The following FBXL7 variants were observed in gnomAD, a reference collection of about 807,000 sequenced individuals.
The protein encoded by FBXL7 is F-box and leucine rich repeat protein 7.
Under a neutral mutation model 38.3 loss-of-function variants are expected in FBXL7, and 12 were observed. The observed-to-expected ratio is 0.31, with a 90% CI of 0.20 to 0.51. FBXL7 has a LOEUF of 0.51. Among genes scored for constraint, FBXL7 ranks in the 20% least tolerant of loss-of-function variants. The probability of loss-of-function intolerance (pLI) is 0.98; values close to 1 mark genes in which losing one functional copy is unlikely to be tolerated. For synonymous variants in FBXL7, 297 were observed against 300.9 expected, an observed-to-expected ratio of 0.99 and a Z score of 0.13; for missense variants, 567 against 676.4, an observed-to-expected ratio of 0.84 and a Z score of 1.79.
At chr5:15,567,849 T>A (rs1461045696) in intron 1 of FBXL7, among the ~76,000 whole-genome samples, 1 of 152,074 alleles carries the variant, frequency 6.6e-6, no homozygotes, top group Non-Finnish European at 1.5e-5. Flanking sequence ...ATACAGTGTT[T>A]GGTTTTTTGT....
At chr5:15,925,783 A>C (rs1741863439) in intron 2 of FBXL7, among the ~76,000 whole-genome samples, 1 of 152,232 alleles carries the variant, frequency 6.6e-6, no homozygotes, top group Non-Finnish European at 1.5e-5. Flanking sequence ...AGCTATATAG[A>C]TACATACCTA....
intron 2 of FBXL7, among the ~76,000 whole-genome samples, chr5:15,855,896 C>T (rs532395971): frequency 2.0e-4 from 31 of 152,244 alleles, no homozygotes; most frequent in African/African-American, 7.2e-4. Context: ...TATAAAGATA[C>T]AATTTGAACC....
At chr5:15,674,869 C>T (rs550626928) in intron 2 of FBXL7, among the ~76,000 whole-genome samples, 1 of 152,282 alleles carries the variant, frequency 6.6e-6, no homozygotes, top group East Asian at 1.9e-4. Flanking sequence ...ACCTGATAAA[C>T]TCACAGCATT....
intron 2 of FBXL7, among the ~76,000 whole-genome samples, chr5:15,865,981 G>A (rs528700543): frequency 1.8e-4 from 28 of 152,236 alleles, no homozygotes; most frequent in South Asian, 4.2e-4. Flanking sequence ...TCTAGTTTTC[G>A]TTAAGAGTAG....
In FBXL7 at chr5:15,835,646, G is replaced by T. The variant is rs1227009720; in HGVS notation, c.128-92244G>T. On this transcript the variant is annotated intron_variant, in intron 2 of 3. Coordinates refer to ENST00000504595, the MANE Select transcript of FBXL7 (RefSeq NM_012304.5). Reference sequence around the variant, plus strand: ...TAAGTGACTTTCTGAGAGTCACGCAGTATAGAACATGAAGGCCATCTGATG... The same window carrying T: ...TAAGTGACTTTCTGAGAGTCACGCATTATAGAACATGAAGGCCATCTGATG... 5.3e-5 allele frequency among the ~76,000 whole-genome samples: 8 copies of T among 152,240 alleles called. 1 individual carries two copies. The South Asian group carries it at 1.5e-3, about 28-fold the overall frequency.
At chr5:15,912,958 CAG>C (rs1376098284) in intron 2 of FBXL7, among the ~76,000 whole-genome samples, 1 of 152,148 alleles carries the variant, frequency 6.6e-6, no homozygotes, top group African/African-American at 2.4e-5. Context: ...CAGCGTGCTG[CAG>C]AGAGACCCTT....
intron 1 of FBXL7, among the ~76,000 whole-genome samples, chr5:15,610,020 G>C (rs1254547090): frequency 6.6e-6 from 1 of 152,184 alleles, no homozygotes; most frequent in Non-Finnish European, 1.5e-5. Flanking sequence ...ATGGCAGCAG[G>C]CAAGAGAGAA....
chr5:15,680,581 G>A (rs1247700280), intron 2 of FBXL7, among the ~76,000 whole-genome samples: 1 of 152,010 alleles, frequency 6.6e-6, no homozygotes, highest in Non-Finnish European at 1.5e-5. Flanking sequence ...CATAGTAGGG[G>A]AAAACAACTG....
At chr5:15,747,689 C>G (rs529855760) in intron 2 of FBXL7, among the ~76,000 whole-genome samples, 1 of 152,314 alleles carries the variant, frequency 6.6e-6, no homozygotes, top group South Asian at 2.1e-4. Flanking sequence ...GGTTCAAATG[C>G]ACACATACGG....
At chr5:15,658,532 C>T (rs1247864510) in intron 2 of FBXL7, among the ~76,000 whole-genome samples, 5 of 152,076 alleles carry the variant, frequency 3.3e-5, no homozygotes, top group Admixed American at 3.3e-4. Flanking sequence ...GACAAGAACC[C>T]CTCAGACACT....
At chr5:15,674,307 A>C (rs1365906824) in intron 2 of FBXL7, among the ~76,000 whole-genome samples, 1 of 152,224 alleles carries the variant, frequency 6.6e-6, no homozygotes, top group Non-Finnish European at 1.5e-5. Flanking sequence ...TGTGTTATTG[A>C]ATATCCTTAC....
intron 2 of FBXL7, among the ~76,000 whole-genome samples, chr5:15,886,059 T>C (rs1427560333): frequency 6.6e-6 from 1 of 152,102 alleles, no homozygotes. Context: ...CTGTTTGATA[T>C]ATATGTGAAT....
chr5:15,680,556 A>G (rs1742809834), intron 2 of FBXL7, among the ~76,000 whole-genome samples: 1 of 152,136 alleles, frequency 6.6e-6, no homozygotes, highest in South Asian at 2.1e-4. Context: ...TCAGTAGGCT[A>G]TTAATTAACA....
chr5:15,831,249 GA>G (rs1385050257), intron 2 of FBXL7, among the ~76,000 whole-genome samples: 2 of 152,192 alleles, frequency 1.3e-5, no homozygotes, highest in African/African-American at 4.8e-5. Context: ...GAAGAGGTGG[GA>G]AAGGGAGTAG....
chr5:15,923,705 T>C (rs150336044), intron 2 of FBXL7, among the ~76,000 whole-genome samples: 17 of 152,294 alleles, frequency 1.1e-4, no homozygotes, highest in African/African-American at 4.1e-4. Flanking sequence ...TTTCAAAAGT[T>C]CCCTGAGGTT....
At chr5:15,705,596 A>C (rs1207152822) in intron 2 of FBXL7, among the ~76,000 whole-genome samples, 1 of 152,220 alleles carries the variant, frequency 6.6e-6, no homozygotes, top group Non-Finnish European at 1.5e-5. Context: ...TGTCAAGGTA[A>C]TGATATAAAC....
At chr5:15,731,924 A>C (rs1735594728) in intron 2 of FBXL7, among the ~76,000 whole-genome samples, 1 of 152,138 alleles carries the variant, frequency 6.6e-6, no homozygotes, top group South Asian at 2.1e-4. Flanking sequence ...CAGAAACAAC[A>C]AGCATGTCAA....
At chr5:15,929,143 T>G (rs1741973006) in intron 3 of FBXL7, among the ~76,000 whole-genome samples, 1 of 152,190 alleles carries the variant, frequency 6.6e-6, no homozygotes, top group Admixed American at 6.5e-5. Flanking sequence ...CGGTGCCCAC[T>G]GTGGGTGATA....
chr5:15,914,975 C>T (rs1209525276), intron 2 of FBXL7, among the ~76,000 whole-genome samples: 1 of 152,230 alleles, frequency 6.6e-6, no homozygotes, highest in East Asian at 1.9e-4. Flanking sequence ...ATTAATAATT[C>T]AGCCTTGCTG....
Sources: gnomAD v4.1 joint callset for allele counts (sites outside exome capture counted in the v4.1 genomes callset) on GRCh38, gnomAD v4.1.1 for gene constraint, MANE v1.5 for transcripts, NCBI Gene and HGNC (gene_info 2026-07-23, HGNC 2026-07-21) for gene names.